ZMYM2: variants seen among roughly 807,000 people sequenced by gnomAD.
ZMYM2 encodes zinc finger MYM-type protein 2.
Under a neutral mutation model 162.8 loss-of-function variants are expected in ZMYM2, and 56 were observed. The observed-to-expected ratio is 0.34, with a 90% CI of 0.28 to 0.43. The LOEUF is 0.43. Ranked by LOEUF, ZMYM2 falls within the 20% of genes least tolerant of loss-of-function variation. The pLI, the probability that ZMYM2 is intolerant of heterozygous loss-of-function variation, is 1.00. For synonymous variants in ZMYM2, 510 were observed against 541.6 expected, an observed-to-expected ratio of 0.94 and a Z score of 0.81; for missense variants, 1,275 against 1,621.8, an observed-to-expected ratio of 0.79 and a Z score of 3.67.
At chr13:20,006,120 C>T (rs1436470084) in intron 5 of ZMYM2, among the ~76,000 whole-genome samples, 1 of 152,000 alleles carries the variant, frequency 6.6e-6, no homozygotes, top group East Asian at 1.9e-4. Flanking sequence ...ATAGTCTCAG[C>T]TACTCGGGAG....
At chr13:20,077,910 TG>T (rs1452713923) in intron 21 of ZMYM2, among the ~76,000 whole-genome samples, 1 of 151,194 alleles carries the variant, frequency 6.6e-6, no homozygotes, top group Non-Finnish European at 1.5e-5. Context: ...TGGTGTGATC[TG>T]GGTTCACGCC....
At chr13:20,084,548 G>A (rs376263925) in intron 24 of ZMYM2, among the ~76,000 whole-genome samples, 32 of 152,076 alleles carry the variant, frequency 2.1e-4, no homozygotes, top group African/African-American at 6.5e-4. Context: ...GCCAATGCCC[G>A]GTGTAAAGGT....
At chr13:19,982,474 G>A (rs1022596206) in intron 2 of ZMYM2, among the ~76,000 whole-genome samples, 1 of 151,830 alleles carries the variant, frequency 6.6e-6, no homozygotes, top group South Asian at 2.1e-4. Context: ...TTTTAGTAGA[G>A]ATGGGGTTTC....
At chr13:20,084,718 G>A (rs965717738) in intron 24 of ZMYM2, among the ~76,000 whole-genome samples, 4 of 152,100 alleles carry the variant, frequency 2.6e-5, no homozygotes, top group East Asian at 1.9e-4. Flanking sequence ...CCAATAAAAC[G>A]TTTAGAGACC....
chr13:19,987,031 G>T (rs894500831), intron 2 of ZMYM2, among the ~76,000 whole-genome samples: 52 of 149,586 alleles, frequency 3.5e-4, no homozygotes, highest in African/African-American at 1.1e-3. Flanking sequence ...CTTGAACCTG[G>T]GAGGTGGAGG....
chr13:20,083,140 G>A (rs1387571818), intron 23 of ZMYM2, 108 bp downstream of exon 23: 53 of 1,163,480 alleles, frequency 4.6e-5, no homozygotes, highest in Non-Finnish European at 5.9e-5. Context: ...TCGGCTCACC[G>A]CAACCTCTAC....
the ZMYM2 span, among the ~76,000 whole-genome samples, chr13:19,897,625 A>G: frequency 6.6e-6 from 1 of 152,006 alleles, no homozygotes; most frequent in Non-Finnish European, 1.5e-5. Context: ...GCAAACAAGA[A>G]TAAAAAGAGA....
Position 20,058,650 on chromosome 13 carries a change from A to G in ZMYM2, c.2569A>G (p.Met857Val), listed in dbSNP as rs1330768204. Reference sequence around the variant, plus strand: ...AGCAGTTCTTTGCAAACCTTTAACAATGACAAAAGCTACTTACTGTAAACC... The same window carrying G: ...AGCAGTTCTTTGCAAACCTTTAACAGTGACAAAAGCTACTTACTGTAAACC... ...NKAVLCKPLT[M>V]TKATYCKPHM... Residue 857 changes from methionine (M) to valine (V), a missense_variant, in exon 15 of 25, where the codon ATG becomes GTG. Transcript: ENST00000610343. 6.2e-7 allele frequency: 1 copy of G among 1,613,846 alleles called. No individual in the cohort carries two copies. Among genetic ancestry groups the G allele is most frequent in the African/African-American group, 1.3e-5 (1 of 75,048 alleles).
At chr13:20,018,333 TAA>T (rs1367277568) in intron 6 of ZMYM2, among the ~76,000 whole-genome samples, 14 of 152,332 alleles carry the variant, frequency 9.2e-5, no homozygotes, top group African/African-American at 2.6e-4. Flanking sequence ...ATTCATTAGT[TAA>T]ATAAATAGGT....
intron 14 of ZMYM2, among the ~76,000 whole-genome samples, chr13:20,056,457 C>CA (rs992704026): frequency 2.1e-4 from 32 of 152,288 alleles, no homozygotes; most frequent in African/African-American, 7.2e-4. Context: ...TCCAGCCCCT[C>CA]AGACAGGGCA....
In ZMYM2 at chr13:20,003,141, G is replaced by T. The variant is rs953754467; in HGVS notation, c.1133+6G>T. The T allele has an allele frequency of 1.2e-6, 2 of 1,609,200 alleles. No homozygotes were observed. The highest frequency in any genetic ancestry group is 1.7e-5 in the Admixed American group (1 of 59,108). ...CTCTGTGTTATGTGTAAAAAGTAAG[G>T]TTTACCTTTCAACATAATTACATAT... is the stretch of plus-strand genomic sequence containing the variant. On this transcript the variant is annotated splice_donor_region_variant and intron_variant, in intron 4 of 24. Transcript: ENST00000610343.
chr13:20,005,915 G>T (rs2139963708), intron 5 of ZMYM2, among the ~76,000 whole-genome samples: 1 of 152,106 alleles, frequency 6.6e-6, no homozygotes, highest in Admixed American at 6.6e-5. Context: ...GTTCCTGTGT[G>T]TATAAAAACA....
chr13:19,886,735 T>C, the ZMYM2 span, among the ~76,000 whole-genome samples: 2 of 151,334 alleles, frequency 1.3e-5, no homozygotes, highest in African/African-American at 4.9e-5. Context: ...CTGCAACCTC[T>C]CCCTCCCAGG....
Position 20,027,238 on chromosome 13 carries a change from T to A in ZMYM2, c.1771T>A (p.Ser591Thr). 1 of 1,584,980 alleles carries A rather than the reference T, an allele frequency of 6.3e-7. No individual in the cohort carries two copies. Among genetic ancestry groups the A allele is most frequent in the South Asian group, 1.1e-5 (1 of 87,070 alleles). ...GIICHFCKRN[S>T]LPQYQATMPD... ...TATTTGCCATTTTTGTAAGCGAAAC[T>A]CTTTACCTCAATACCAAGCCACAAT... The change falls in exon 9 of 25, where the codon TCT (serine) becomes ACT (threonine). Residue 591 changes from serine (S) to threonine (T), a missense_variant. Physicochemically the swap from Ser to Thr is moderately conservative, Grantham distance 58. This residue lies in a region of ZMYM2 where 276 missense variants were observed against 311.8 expected (regional missense o/e 0.89). Coordinates refer to ENST00000610343, the MANE Select transcript of ZMYM2 (RefSeq NM_197968.4).
chr13:20,004,958 C>G (rs949768800), intron 4 of ZMYM2, 116 bp from the exon 5 acceptor site: 5 of 725,254 alleles, frequency 6.9e-6, no homozygotes, highest in Admixed American at 3.7e-5. Context: ...TTATTAGATC[C>G]AAGAATGATG....
intron 6 of ZMYM2, among the ~76,000 whole-genome samples, chr13:20,019,080 C>CA (rs373936842): frequency 0.11 from 13,696 of 126,988 alleles, 1,083 homozygotes; most frequent in Admixed American, 0.17. Context: ...AACTCCATCT[C>CA]AAAAAAAAAA....
At chr13:20,001,045 A>G (rs1194160751) in intron 3 of ZMYM2, among the ~76,000 whole-genome samples, 1 of 152,150 alleles carries the variant, frequency 6.6e-6, no homozygotes, top group African/African-American at 2.4e-5. Context: ...ACTTTAGTGG[A>G]GGAAGTAATT....
chr13:19,871,592 T>C, the ZMYM2 span, among the ~76,000 whole-genome samples: 16 of 152,022 alleles, frequency 1.1e-4, no homozygotes, highest in Non-Finnish European at 1.5e-4. Context: ...ACCTTACATA[T>C]GGAATCATTC....
the ZMYM2 span, among the ~76,000 whole-genome samples, chr13:19,942,269 G>A: frequency 2.0e-5 from 3 of 148,362 alleles, no homozygotes; most frequent in South Asian, 2.1e-4. Flanking sequence ...ATAGTAGGAT[G>A]ATCACTAAAA....
Sources: allele counts gnomAD v4.1 joint callset (sites outside exome capture counted in the v4.1 genomes callset), GRCh38; gene constraint gnomAD v4.1.1; regional missense constraint gnomAD v4.1.1; transcripts MANE v1.5; gene names NCBI Gene and HGNC (gene_info 2026-07-23, HGNC 2026-07-21).